BLTP1: variants seen among roughly 807,000 people sequenced by gnomAD.
BLTP1 encodes fragile site-associated protein.
chr4:122,205,689 A>C, the BLTP1 span, among the ~76,000 whole-genome samples: 1 of 137,096 alleles, frequency 7.3e-6, no homozygotes, highest in Non-Finnish European at 1.5e-5. Flanking sequence ...CTATAATAAT[A>C]CTGTTTCCAA....
chr4:122,195,110 C>T, the BLTP1 span, among the ~76,000 whole-genome samples: 2 of 152,208 alleles, frequency 1.3e-5, no homozygotes, highest in East Asian at 3.9e-4. Context: ...CATCTATTAA[C>T]ATAAGGCATA....
the BLTP1 span, chr4:122,196,926 T>G: frequency 1.9e-6 from 1 of 514,186 alleles, no homozygotes; most frequent in Non-Finnish European, 3.2e-6. Context: ...ATTTTATGTA[T>G]TTTACTATCA....
chr4:122,228,561 C>T, the BLTP1 span, among the ~76,000 whole-genome samples: 2 of 151,984 alleles, frequency 1.3e-5, no homozygotes, highest in Non-Finnish European at 2.9e-5. Context: ...TGCTATTGGG[C>T]CAATAATTTA....
the BLTP1 span, chr4:122,309,114 A>G: frequency 5.6e-6 from 6 of 1,075,542 alleles, no homozygotes; most frequent in Non-Finnish European, 6.4e-6. Context: ...TAAGCAATTT[A>G]ATTTTTAAAA....
At chr4:122,313,731 C>T in the BLTP1 span, 5 of 1,163,880 alleles carry the variant, frequency 4.3e-6, no homozygotes, top group African/African-American at 4.7e-5. Context: ...TAGAATTCTG[C>T]CTTTATTTTA....
the BLTP1 span, chr4:122,243,517 G>C: frequency 1.3e-6 from 1 of 760,722 alleles, no homozygotes. Flanking sequence ...ATGGCTGGCA[G>C]ATCACTTGAG....
the BLTP1 span, among the ~76,000 whole-genome samples, chr4:122,159,688 C>G: frequency 6.6e-6 from 1 of 152,116 alleles, no homozygotes; most frequent in African/African-American, 2.4e-5. Context: ...ATGCCTTCAG[C>G]ATCTCTTCAA....
At chr4:122,299,882 T>G in the BLTP1 span, 1 of 984,970 alleles carries the variant, frequency 1.0e-6, no homozygotes, top group Non-Finnish European at 1.2e-6. Context: ...GTAATCTGTA[T>G]GCTGTATATT....
the BLTP1 span, chr4:122,291,965 AGT>A: frequency 3.0e-5 from 5 of 169,430 alleles, no homozygotes; most frequent in Non-Finnish European, 5.4e-5. Flanking sequence ...TGCATCAAAC[AGT>A]TTTTTTTTTT....
At chr4:122,343,835 G>A in the BLTP1 span, 6 of 510,868 alleles carry the variant, frequency 1.2e-5, no homozygotes, top group Admixed American at 1.3e-4. Context: ...TTTTCTAAGC[G>A]GTATACACAG....
the BLTP1 span, chr4:122,325,556 A>G: frequency 1.7e-6 from 2 of 1,200,860 alleles, no homozygotes; most frequent in East Asian, 8.9e-5. Context: ...AGGCTCCATA[A>G]CTGCTTTCTC....
chr4:122,248,700 C>CTAAAAGCAAAGAATGA, the BLTP1 span, among the ~76,000 whole-genome samples: 1 of 151,898 alleles, frequency 6.6e-6, no homozygotes, highest in Admixed American at 6.6e-5. Context: ...AATGACATTT[C>CTAAAAGCAAAGAATGA]CATAGCATAG....
At chr4:122,296,400 G>A in the BLTP1 span, among the ~76,000 whole-genome samples, 1 of 152,156 alleles carries the variant, frequency 6.6e-6, no homozygotes, top group African/African-American at 2.4e-5. Context: ...ACAAAGCACT[G>A]CTCAAGGAAA....
At chr4:122,254,758 A>G in the BLTP1 span, 2 of 1,446,118 alleles carry the variant, frequency 1.4e-6, no homozygotes, top group Non-Finnish European at 1.8e-6. Flanking sequence ...TGTTTGGAAT[A>G]CAAATTTTGA....
At chr4:122,268,022 A>T in the BLTP1 span, among the ~76,000 whole-genome samples, 3 of 152,274 alleles carry the variant, frequency 2.0e-5, no homozygotes. Flanking sequence ...TAATTTAACA[A>T]AAGTTCTTGC....
chr4:122,186,291 G>A, the BLTP1 span: 1 of 1,314,692 alleles, frequency 7.6e-7, no homozygotes, highest in Non-Finnish European at 1.0e-6. Context: ...GAATATCATT[G>A]AGGCTATGCA....
chr4:122,338,594 A>G, the BLTP1 span, among the ~76,000 whole-genome samples: 1 of 152,142 alleles, frequency 6.6e-6, no homozygotes, highest in Non-Finnish European at 1.5e-5. Flanking sequence ...CCCTCCGTGT[A>G]CTTAGGAGAC....
the BLTP1 span, chr4:122,271,355 AG>A: frequency 6.2e-7 from 1 of 1,613,788 alleles, no homozygotes; most frequent in Non-Finnish European, 8.5e-7. Flanking sequence ...CTTCAAAACC[AG>A]AAAACATCGG....
chr4:122,153,725 T>C, the BLTP1 span, among the ~76,000 whole-genome samples: 1 of 152,150 alleles, frequency 6.6e-6, no homozygotes, highest in Non-Finnish European at 1.5e-5. Context: ...CAATGTGCAT[T>C]TTGAGTTATG....
Sources: allele counts gnomAD v4.1 joint callset (sites outside exome capture counted in the v4.1 genomes callset), GRCh38; gene constraint gnomAD v4.1.1; transcripts MANE v1.5; gene names NCBI Gene and HGNC (gene_info 2026-07-23, HGNC 2026-07-21).